CREB1: variants seen among roughly 807,000 people sequenced by gnomAD.
CREB1 encodes the protein cyclic AMP-responsive element-binding protein 1.
Under a neutral mutation model 42.0 loss-of-function variants are expected in CREB1, and 2 were observed. The ratio of observed to expected loss-of-function variants is 0.05; its 90% CI spans 0.02 to 0.15. The LOEUF is 0.15. Among genes scored for constraint, CREB1 ranks in the 10% least tolerant of loss-of-function variants. CREB1 has a pLI of 1.00. For synonymous variants in CREB1, 123 were observed against 139.9 expected (o/e 0.88, Z 0.85); for missense variants, 199 against 388.9 (o/e 0.51, Z 4.11).
At chr2:207,563,556 T>C (rs1482367680) in intron 3 of CREB1, among the ~76,000 whole-genome samples, 1 of 152,238 alleles carries the variant, frequency 6.6e-6, no homozygotes, top group Admixed American at 6.5e-5. Flanking sequence ...AGTTTTGTTA[T>C]CTACATGAAG....
chr2:207,540,669 T>TAAAAAAAAAAAAAAAAA (rs35714520), intron 1 of CREB1, among the ~76,000 whole-genome samples: 4 of 64,264 alleles, frequency 6.2e-5, no homozygotes, highest in South Asian at 7.4e-4. Flanking sequence ...GTTTAAAAAG[T>TAAAAAAAAAAAAAAAAA]AAAAAAAAAA....
chr2:207,536,716 G>C (rs752553259), intron 1 of CREB1, among the ~76,000 whole-genome samples: 1 of 151,958 alleles, frequency 6.6e-6, no homozygotes, highest in Non-Finnish European at 1.5e-5. Context: ...TTGGCCAGGC[G>C]TGGTGGCTCA....
chr2:207,562,747 T>C (rs2082002881), intron 3 of CREB1, among the ~76,000 whole-genome samples: 1 of 152,152 alleles, frequency 6.6e-6, no homozygotes, highest in African/African-American at 2.4e-5. Flanking sequence ...AAAGAGATGA[T>C]CAAACAAGGA....
chr2:207,582,833 C>A, intron 7 of CREB1: 1 of 329,800 alleles, frequency 3.0e-6, no homozygotes, highest in Non-Finnish European at 6.1e-6. Flanking sequence ...GTGGAAGTTG[C>A]AGTGAGCTGA....
rs1049696951 is a variant in CREB1, at chr2:207,555,498, G to C, written c.-8-130G>C. On this transcript the variant is annotated intron_variant, in intron 1 of 7. Transcript: ENST00000353267. ...GGTAATTCAGCTACATTATATTTTA[G>C]CTAGATTTCTGAGTTCATTTGGTAA... The C allele has an allele frequency of 2.1e-5, 11 of 530,888 alleles. No individual in the cohort carries two copies. In the Admixed American group the frequency reaches 3.4e-4, roughly 17 times the overall value. 32.9% of individuals were successfully genotyped at this position (530,888 alleles called of 1,614,324 possible). A position where few individuals can be genotyped will look rare whatever the true frequency, so the allele number is the denominator to read the frequency against.
rs759277640 is a variant in CREB1 at position 207,577,667 on chromosome 2, G to T, written c.839+12G>T. 2 of 1,613,134 alleles carry T rather than the reference G, an allele frequency of 1.2e-6. No homozygotes were observed. Among genetic ancestry groups the T allele is most frequent in the Non-Finnish European group, 8.5e-7 (1 of 1,179,608 alleles). ...CTAATGAAGAACAGGTACAAATACTGCATTTACTTAGATTGTTATGTGTTA... is the reference window on the plus strand; with the variant it reads ...CTAATGAAGAACAGGTACAAATACTTCATTTACTTAGATTGTTATGTGTTA... On this transcript the variant is annotated intron_variant, in intron 7 of 7. Transcript: ENST00000353267.
intron 3 of CREB1, among the ~76,000 whole-genome samples, chr2:207,563,660 G>A (rs897851795): frequency 6.6e-6 from 1 of 152,154 alleles, no homozygotes; most frequent in Non-Finnish European, 1.5e-5. Flanking sequence ...AGTGTTAAAT[G>A]AGGTCAGACT....
intron 1 of CREB1, among the ~76,000 whole-genome samples, chr2:207,551,662 A>G (rs1204350138): frequency 6.6e-6 from 1 of 152,174 alleles, no homozygotes. Flanking sequence ...TAGTAAAAGG[A>G]AATACTTCCT....
At chr2:207,534,331 G>A (rs191036957) in intron 1 of CREB1, among the ~76,000 whole-genome samples, 176 of 152,274 alleles carry the variant, frequency 1.2e-3, no homozygotes, top group Non-Finnish European at 2.1e-3. Context: ...CTGCTTCCTG[G>A]ATTCAAGTGA....
intron 2 of CREB1, among the ~76,000 whole-genome samples, 196 bp from the exon 3 acceptor site, chr2:207,560,029 TA>T (rs1031623678): frequency 1.5e-4 from 23 of 152,282 alleles, no homozygotes; most frequent in African/African-American, 5.3e-4. Flanking sequence ...CTGAAAAGGA[TA>T]GGGGTATAGT....
intron 3 of CREB1, 56 bp downstream of exon 3, chr2:207,560,428 C>T: frequency 6.5e-7 from 1 of 1,530,288 alleles, no homozygotes; most frequent in Non-Finnish European, 8.9e-7. Flanking sequence ...ATAGCCATAT[C>T]TCTCTCCTTT....
intron 7 of CREB1, chr2:207,581,289 A>T: frequency 5.1e-6 from 1 of 196,796 alleles, no homozygotes; most frequent in East Asian, 8.0e-5. Flanking sequence ...GAAAAATTCT[A>T]AAAAAATTAA....
chr2:207,580,727 C>T (rs2082862825), intron 7 of CREB1: 2 of 223,982 alleles, frequency 8.9e-6, no homozygotes, highest in Non-Finnish European at 8.9e-6. Flanking sequence ...ATTTGTGTTG[C>T]TACAGTAACA....
In CREB1 at chr2:207,601,011, G is replaced by A. The variant is rs141652982; in HGVS notation, c.*3953G>A. 1.2e-3 allele frequency: 227 copies of A among 190,752 alleles called. 1 individual carries two copies. Among genetic ancestry groups the A allele is most frequent in the African/African-American group, 4.8e-3 (208 of 43,076 alleles). The allele number at this position is 190,752 out of a possible 1,614,324, so 11.8% of individuals were successfully genotyped here. On this transcript the variant is annotated 3_prime_UTR_variant, in exon 8 of 8. Transcript: ENST00000353267. ...GGTCTCTGTTTATTTTGAAGATCAC[G>A]GCTGCTTCATTTTGCAGGATTAAGT...
At chr2:207,533,420 A>G (rs1201560908) in intron 1 of CREB1, among the ~76,000 whole-genome samples, 1 of 152,188 alleles carries the variant, frequency 6.6e-6, no homozygotes, top group Non-Finnish European at 1.5e-5. Context: ...TTATGGGGTT[A>G]TAGTAAAACC....
In CREB1 at chr2:207,604,741, C is replaced by T. The variant is rs926224381; in HGVS notation, c.*7683C>T. ...GTAAAGTCCCGTTACTCTCCATTTT[C>T]TCCTCCCACCGCCCTTGTCCCTGGC... is the stretch of plus-strand genomic sequence containing the variant. On this transcript the variant is annotated 3_prime_UTR_variant, in exon 8 of 8. Coordinates refer to ENST00000353267, the MANE Select transcript of CREB1 (RefSeq NM_004379.5). 2.0e-5 allele frequency among the ~76,000 whole-genome samples: 3 copies of T among 152,200 alleles called. No individual in the cohort carries two copies. Among genetic ancestry groups the T allele is most frequent in the African/African-American group, 7.2e-5 (3 of 41,446 alleles).
chr2:207,563,970 T>C (rs1013169486), intron 3 of CREB1, among the ~76,000 whole-genome samples: 1 of 152,134 alleles, frequency 6.6e-6, no homozygotes, highest in Non-Finnish European at 1.5e-5. Context: ...AAATGATTTT[T>C]AATGAAGCAT....
At chr2:207,534,915 G>A (rs1461883333) in intron 1 of CREB1, among the ~76,000 whole-genome samples, 2 of 151,948 alleles carry the variant, frequency 1.3e-5, no homozygotes, top group Admixed American at 1.3e-4. Context: ...CTAGGTATAC[G>A]CTCTCCTATA....
At chr2:207,533,483 AT>A (rs2080740275) in intron 1 of CREB1, among the ~76,000 whole-genome samples, 1 of 152,194 alleles carries the variant, frequency 6.6e-6, no homozygotes, top group African/African-American at 2.4e-5. Flanking sequence ...ACAGAAAATT[AT>A]TTTTAACCTA....
Sources: gnomAD v4.1 joint callset for allele counts (sites outside exome capture counted in the v4.1 genomes callset) on GRCh38, gnomAD v4.1.1 for gene constraint, MANE v1.5 for transcripts, NCBI Gene and HGNC (gene_info 2026-07-23, HGNC 2026-07-21) for gene names.